Variants in LIFR observed in about 807,000 individuals in gnomAD.
LIFR encodes the protein LIF receptor subunit alpha, also known as leukemia inhibitory factor receptor.
Under a neutral mutation model 122.2 loss-of-function variants are expected in LIFR, and 84 were observed. The ratio of observed to expected loss-of-function variants is 0.69; its 90% CI spans 0.58 to 0.82. LIFR has a LOEUF of 0.82. LIFR is among the 40% of genes least tolerant of loss of function. The pLI, the probability that LIFR is intolerant of heterozygous loss-of-function variation, is 0.00. For synonymous variants in LIFR, 422 were observed against 434.7 expected (o/e 0.97, Z 0.36); for missense variants, 1,294 against 1,311.6 (o/e 0.99, Z 0.21).
At chr5:38,554,607 C>T (rs1053832085) in intron 1 of LIFR, among the ~76,000 whole-genome samples, 2 of 151,996 alleles carry the variant, frequency 1.3e-5, no homozygotes, top group Admixed American at 6.6e-5. Flanking sequence ...GGGAGGGAAG[C>T]GGGGCAGGGG....
upstream of LIFR, among the ~76,000 whole-genome samples, chr5:38,599,089 G>A (rs1750177190): frequency 6.6e-6 from 1 of 152,140 alleles, no homozygotes; most frequent in Admixed American, 6.5e-5. Flanking sequence ...GAATGAGCAG[G>A]CTTCCCCCAG....
At chr5:38,504,415 C>CAAAAAAAAAAAAAAAA (rs71604899) in intron 9 of LIFR, among the ~76,000 whole-genome samples, 2 of 120,438 alleles carry the variant, frequency 1.7e-5, no homozygotes, top group African/African-American at 3.1e-5. Context: ...AGGGAATGAC[C>CAAAAAAAAAAAAAAAA]AAAAAAAAAA....
intron 17 of LIFR, chr5:38,485,553 A>G (rs555936645): frequency 5.9e-6 from 3 of 510,530 alleles, no homozygotes; most frequent in African/African-American, 3.8e-5. Context: ...GATAAATTCA[A>G]TATGACTTTA....
At chr5:38,506,192 AT>A in intron 8 of LIFR, 118 bp from the exon 9 acceptor site, 1 of 688,284 alleles carries the variant, frequency 1.5e-6, no homozygotes, top group Non-Finnish European at 2.5e-6. Flanking sequence ...TTAGAAGCAT[AT>A]TACATACTCA....
chr5:38,528,605 T>G, intron 3 of LIFR, 121 bp downstream of exon 3: 1 of 738,576 alleles, frequency 1.4e-6, no homozygotes, highest in East Asian at 2.7e-5. Context: ...CGGCAGACTC[T>G]GCTGGACACA....
At chr5:38,493,579 T>C (rs1744712639) in intron 14 of LIFR, 27 bp downstream of exon 14, 1 of 1,603,406 alleles carries the variant, frequency 6.2e-7, no homozygotes, top group African/African-American at 1.3e-5. Context: ...TTGTAGAACT[T>C]AATTGAGAGA....
intron 1 of LIFR, among the ~76,000 whole-genome samples, chr5:38,577,744 C>T (rs1749434205): frequency 1.3e-5 from 2 of 152,170 alleles, no homozygotes; most frequent in Non-Finnish European, 2.9e-5. Context: ...TCATTGGTAA[C>T]AGAACTTAAT....
chr5:38,596,174 T>C (rs1384674604), upstream of LIFR, among the ~76,000 whole-genome samples: 1 of 152,202 alleles, frequency 6.6e-6, no homozygotes, highest in East Asian at 1.9e-4. Flanking sequence ...GTACCACTCC[T>C]TTATATATAG....
intron 1 of LIFR, among the ~76,000 whole-genome samples, chr5:38,592,113 T>C (rs939709489): frequency 3.9e-5 from 6 of 152,204 alleles, no homozygotes; most frequent in Admixed American, 6.5e-5. Context: ...TTCCCTTCTC[T>C]CCTTTTCATG....
chr5:38,533,780 C>G (rs761743972), intron 1 of LIFR, among the ~76,000 whole-genome samples: 1 of 152,138 alleles, frequency 6.6e-6, no homozygotes. Context: ...CCTGCTGGCA[C>G]GAACCTAGCC....
chr5:38,502,744 T>C lies in LIFR; in HGVS notation c.1493A>G (p.Lys498Arg), dbSNP rs771697399. ...AGTATATAGAGTGTATGGATTTAAC[T>C]TGTCCAGAGCAACAAGATAACTTGA... ...ENSSYLVALDKLNPYTLYTFR... is the reference protein window; with the variant it reads ...ENSSYLVALDRLNPYTLYTFR... Residue 498 changes from lysine (K) to arginine (R), a missense_variant, in exon 11 of 20, where the codon AAG becomes AGG. Physicochemically the swap from Lys to Arg is conservative, Grantham distance 26 (BLOSUM62 2). Transcript: ENST00000453190. 1.4e-5 allele frequency: 23 copies of C among 1,611,590 alleles called. No homozygotes were observed. The highest frequency in any genetic ancestry group is 2.0e-5 in the Non-Finnish European group (23 of 1,177,942).
chr5:38,570,336 T>C (rs1749169361), intron 1 of LIFR, among the ~76,000 whole-genome samples: 1 of 152,232 alleles, frequency 6.6e-6, no homozygotes, highest in South Asian at 2.1e-4. Context: ...CCCATGTTCA[T>C]CAAGATTGTC....
intron 1 of LIFR, among the ~76,000 whole-genome samples, chr5:38,537,087 T>C (rs926709930): frequency 6.6e-6 from 1 of 152,208 alleles, no homozygotes; most frequent in South Asian, 2.1e-4. Context: ...ACTTCCCTGT[T>C]AATTCAAGAG....
chr5:38,509,112 T>C (rs1745655380), intron 7 of LIFR, among the ~76,000 whole-genome samples: 1 of 152,232 alleles, frequency 6.6e-6, no homozygotes, highest in Non-Finnish European at 1.5e-5. Context: ...GTTCTATTAC[T>C]ATGATAAAAG....
At chr5:38,483,900 A>G (rs1460647126) in intron 18 of LIFR, among the ~76,000 whole-genome samples, 1 of 152,196 alleles carries the variant, frequency 6.6e-6, no homozygotes, top group Non-Finnish European at 1.5e-5. Context: ...TGGTCTAAGC[A>G]TGAATGCAGC....
chr5:38,591,783 G>T (rs1466105874), intron 1 of LIFR, among the ~76,000 whole-genome samples: 1 of 152,148 alleles, frequency 6.6e-6, no homozygotes, highest in Non-Finnish European at 1.5e-5. Flanking sequence ...ACAGGAGGTG[G>T]GATAATGTGA....
chr5:38,548,809 T>G (rs957307800), intron 1 of LIFR, among the ~76,000 whole-genome samples: 1 of 152,200 alleles, frequency 6.6e-6, no homozygotes, highest in East Asian at 1.9e-4. Flanking sequence ...TATTTCCCAG[T>G]GACCAGAAGC....
At chr5:38,605,801 G>T (rs538534140) in intron 2 of LIFR, among the ~76,000 whole-genome samples, 13 of 152,238 alleles carry the variant, frequency 8.5e-5, no homozygotes, top group Admixed American at 7.2e-4. Flanking sequence ...GCAACCATTT[G>T]TCTCTTACCA....
At chr5:38,518,480 T>C (rs1746225273) in intron 5 of LIFR, among the ~76,000 whole-genome samples, 1 of 152,164 alleles carries the variant, frequency 6.6e-6, no homozygotes, top group African/African-American at 2.4e-5. Flanking sequence ...CCTATAAGAT[T>C]ATAATGGAGC....
Sources: gnomAD v4.1 joint callset for allele counts (sites outside exome capture counted in the v4.1 genomes callset) on GRCh38, gnomAD v4.1.1 for gene constraint, MANE v1.5 for transcripts, NCBI Gene and HGNC (gene_info 2026-07-23, HGNC 2026-07-21) for gene names.